FHIT: variants seen among roughly 807,000 people sequenced by gnomAD.
FHIT encodes fragile histidine triad diadenosine triphosphatase, also known as bis(5'-adenosyl)-triphosphatase.
A neutral mutation model predicts 17.9 loss-of-function variants in FHIT; 19 were observed. The observed-to-expected ratio is 1.06, with a 90% CI of 0.74 to 1.56. The LOEUF (loss-of-function observed/expected upper bound fraction) is 1.56. FHIT is among the 40% of genes most tolerant of loss of function. The pLI, the probability that FHIT is intolerant of heterozygous loss-of-function variation, is 0.00. For synonymous variants in FHIT, 81 were observed against 69.7 expected, an observed-to-expected ratio of 1.16 and a Z score of -0.81; for missense variants, 248 against 189.2, an observed-to-expected ratio of 1.31 and a Z score of -1.82.
intron 3 of FHIT, among the ~76,000 whole-genome samples, chr3:60,904,631 T>C (rs1706301895): frequency 6.6e-6 from 1 of 152,026 alleles, no homozygotes; most frequent in African/African-American, 2.4e-5. Flanking sequence ...TAAGCTCCAA[T>C]CACCCTAATA....
intron 2 of FHIT, among the ~76,000 whole-genome samples, chr3:61,177,729 G>C (rs1220056850): frequency 6.6e-6 from 1 of 152,106 alleles, no homozygotes; most frequent in Non-Finnish European, 1.5e-5. Flanking sequence ...TCACATGACT[G>C]ATACGTTTGC....
intron 5 of FHIT, among the ~76,000 whole-genome samples, chr3:60,241,588 T>A (rs1396628468): frequency 6.6e-6 from 1 of 152,122 alleles, no homozygotes; most frequent in Non-Finnish European, 1.5e-5. Context: ...AGCAACAGAT[T>A]GCAGGTGGGG....
chr3:60,333,177 T>C (rs1157699826), intron 5 of FHIT, among the ~76,000 whole-genome samples: 2 of 152,236 alleles, frequency 1.3e-5, no homozygotes, highest in Admixed American at 6.5e-5. Flanking sequence ...GCTTCTGTTA[T>C]CCAATGCTGA....
chr3:60,411,280 G>GTCA (rs1438072064), intron 5 of FHIT, among the ~76,000 whole-genome samples: 4 of 152,032 alleles, frequency 2.6e-5, no homozygotes, highest in Non-Finnish European at 4.4e-5. Flanking sequence ...CTATTAAGAA[G>GTCA]AAACACTCTT....
At chr3:60,142,480 A>AT (rs752167358) in intron 5 of FHIT, among the ~76,000 whole-genome samples, 73 of 143,648 alleles carry the variant, frequency 5.1e-4, no homozygotes, top group Non-Finnish European at 1.0e-3. Flanking sequence ...ATGCCAGGCT[A>AT]TTTATTTTTT....
intron 3 of FHIT, among the ~76,000 whole-genome samples, chr3:61,024,046 T>A (rs1471064561): frequency 6.6e-6 from 1 of 152,080 alleles, no homozygotes; most frequent in Non-Finnish European, 1.5e-5. Context: ...GACAGTATTA[T>A]AAAAGCCAAT....
At position 59,748,353 on chromosome 3, in the gene FHIT, T is replaced by G. The variant is rs919007868; in HGVS notation, c.*1232A>C. Among the ~76,000 whole-genome samples the G allele has an allele frequency of 1.3e-5, 2 of 152,098 alleles. No homozygotes were observed. The highest frequency in any genetic ancestry group is 2.4e-5 in the African/African-American group (1 of 41,434). The stretch of plus-strand genomic sequence containing the variant: ...CTGTATTCGCCCAAGTGATGTTTAT[T>G]TAGGCATGTGGTCAGATGGTAAAGA... On this transcript the variant is annotated 3_prime_UTR_variant, in exon 10 of 10. Coordinates refer to ENST00000492590, the MANE Select transcript of FHIT (RefSeq NM_002012.4).
chr3:60,753,369 A>C (rs2042507866), intron 4 of FHIT, among the ~76,000 whole-genome samples: 1 of 152,218 alleles, frequency 6.6e-6, no homozygotes, highest in Non-Finnish European at 1.5e-5. Flanking sequence ...CGGGTAACAG[A>C]AACATTCATG....
intron 5 of FHIT, among the ~76,000 whole-genome samples, chr3:60,506,587 C>T (rs2034740836): frequency 6.6e-6 from 1 of 152,172 alleles, no homozygotes; most frequent in Non-Finnish European, 1.5e-5. Context: ...TCAAGATGGT[C>T]ATGTGATGTG....
intron 5 of FHIT, among the ~76,000 whole-genome samples, chr3:60,493,572 A>G (rs2034157874): frequency 6.6e-6 from 1 of 152,174 alleles, no homozygotes; most frequent in African/African-American, 2.4e-5. Flanking sequence ...ATTAGGTCAC[A>G]CCTTCAACAT....
At chr3:61,121,561 C>T (rs2036457702) in intron 2 of FHIT, among the ~76,000 whole-genome samples, 1 of 152,234 alleles carries the variant, frequency 6.6e-6, no homozygotes, top group East Asian at 1.9e-4. Flanking sequence ...CACCACCAGG[C>T]CTACCTTACA....
At position 59,996,753 on chromosome 3, in the gene FHIT, C is replaced by T. The variant is rs181344030; in HGVS notation, c.279+14618G>A. Among the ~76,000 whole-genome samples, 9 of 152,202 alleles carry T rather than the reference C, an allele frequency of 5.9e-5. No individual in the cohort carries two copies. In the East Asian group the frequency reaches 1.6e-3, roughly 26 times the overall value. On this transcript the variant is annotated intron_variant, in intron 7 of 9. Transcript: ENST00000492590. ...TGGAAAGCACCCACATAGATCATTA[C>T]TTAACGAAGAAAAGTAATTGAGAAT...
intron 2 of FHIT, among the ~76,000 whole-genome samples, chr3:61,191,834 T>C (rs1412035524): frequency 1.3e-5 from 2 of 151,904 alleles, no homozygotes; most frequent in Non-Finnish European, 2.9e-5. Context: ...GCCGGCCAAA[T>C]TGTATTTTCT....
At chr3:60,375,494 G>C (rs1477708669) in intron 5 of FHIT, among the ~76,000 whole-genome samples, 1 of 151,944 alleles carries the variant, frequency 6.6e-6, no homozygotes, top group Non-Finnish European at 1.5e-5. Flanking sequence ...AGAATCTCTT[G>C]AACCCAAGAG....
At chr3:61,158,363 A>C (rs1316195804) in intron 2 of FHIT, among the ~76,000 whole-genome samples, 1 of 152,206 alleles carries the variant, frequency 6.6e-6, no homozygotes, top group Non-Finnish European at 1.5e-5. Flanking sequence ...GGCTTCCTGA[A>C]ACACAACTAG....
At chr3:61,008,661 C>T (rs1269583826) in intron 3 of FHIT, among the ~76,000 whole-genome samples, 2 of 152,182 alleles carry the variant, frequency 1.3e-5, no homozygotes, top group Non-Finnish European at 2.9e-5. Context: ...GTGGGCCTGA[C>T]TGTCACCCTG....
At chr3:61,219,406 C>T (rs1430363614) in intron 1 of FHIT, among the ~76,000 whole-genome samples, 1 of 151,572 alleles carries the variant, frequency 6.6e-6, no homozygotes, top group Non-Finnish European at 1.5e-5. Flanking sequence ...CAAGTCAGAA[C>T]CCAAAAGTTC....
In FHIT at chr3:59,863,242, C is replaced by T. The variant is rs182379989; in HGVS notation, c.348+59104G>A. ...AAAGTCTTAATGAACATCAGAGGGA[C>T]GTTTCAGGGCCTGCTTTGTGACGCA... On this transcript the variant is annotated intron_variant, in intron 8 of 9. Coordinates refer to ENST00000492590, the MANE Select transcript of FHIT (RefSeq NM_002012.4). Among the ~76,000 whole-genome samples, 17 of 152,300 alleles carry T rather than the reference C, an allele frequency of 1.1e-4. No homozygotes were observed. The East Asian group carries it at 2.1e-3, about 19-fold the overall frequency.
At chr3:61,043,124 C>A (rs545114172) in intron 2 of FHIT, among the ~76,000 whole-genome samples, 4 of 152,146 alleles carry the variant, frequency 2.6e-5, no homozygotes, top group Admixed American at 1.3e-4. Context: ...GTGGGTGCAC[C>A]CCATGGAGTG....
Sources: allele counts gnomAD v4.1 joint callset (sites outside exome capture counted in the v4.1 genomes callset), GRCh38; gene constraint gnomAD v4.1.1; transcripts MANE v1.5; gene names NCBI Gene and HGNC (gene_info 2026-07-23, HGNC 2026-07-21).